Variants in OR10H3 observed in about 807,000 individuals in gnomAD.
OR10H3 encodes olfactory receptor family 10 subfamily H member 3.
In OR10H3, 15 loss-of-function variants were observed where a neutral mutation model predicts 11.1. That is an observed-to-expected ratio of 1.36 (90% CI 0.91 to 2.09). The LOEUF (loss-of-function observed/expected upper bound fraction) is 2.09, where lower values mean the gene tolerates loss of function less well. OR10H3 is among the 30% of genes most tolerant of loss of function. The pLI is 0.00. For missense variants in OR10H3, 403 were observed against 391.5 expected, an observed-to-expected ratio of 1.03 and a Z score of -0.25; for synonymous variants, 149 against 142.1, an observed-to-expected ratio of 1.05 and a Z score of -0.35.
chr19:15,740,259 C>T (rs766645569), intron 1 of OR10H3, among the ~76,000 whole-genome samples: 1 of 152,104 alleles, frequency 6.6e-6, no homozygotes, highest in Non-Finnish European at 1.5e-5. Context: ...GAGACCTTGT[C>T]TCTAAAAAAT....
chr19:15,739,081 T>C (rs2008669845), intron 1 of OR10H3, among the ~76,000 whole-genome samples: 1 of 152,146 alleles, frequency 6.6e-6, no homozygotes. Flanking sequence ...TGATTTACTG[T>C]TGAAACTGTA....
At chr19:15,740,009 C>T (rs1160339440) in intron 1 of OR10H3, among the ~76,000 whole-genome samples, 1 of 149,056 alleles carries the variant, frequency 6.7e-6, no homozygotes, top group African/African-American at 2.5e-5. Flanking sequence ...AATCCCACCA[C>T]TTTGGGAGGC....
In OR10H3 at chr19:15,742,097, C is replaced by A; in HGVS notation, c.705C>A (p.Gly235=). The A allele has an allele frequency of 6.2e-7, 1 of 1,613,476 alleles. No individual in the cohort carries two copies. The highest frequency in any genetic ancestry group is 1.1e-5 in the South Asian group (1 of 91,084). The change falls in exon 2 of 2, where the codon GGC becomes GGA. Residue 235 remains glycine (G), a synonymous_variant. Transcript: ENST00000641646. ...TCTTGAGGATTCCTTCTGCTGAGGG[C>A]CGGCACAAGACTTTCTCCACTTGTG... ...AAILRIPSAE[G]RHKTFSTCVS...
chr19:15,742,299 A>G lies in OR10H3; in HGVS notation c.907A>G (p.Ile303Val). Residue 303 changes from isoleucine (I) to valine (V), a missense_variant, in exon 2 of 2, where the codon ATA becomes GTA. Ile to Val is a conservative substitution (Grantham distance 29). Transcript: ENST00000641646. ...SLRNKELKNA[I>V]NKNFCRRFCP... ...AAGGAACAAGGAGCTGAAGAATGCC[A>G]TAAATAAAAACTTTTGCAGAAGGTT... 1 of 1,613,934 alleles carries G rather than the reference A, an allele frequency of 6.2e-7. No homozygotes were observed. Among genetic ancestry groups the G allele is most frequent in the Non-Finnish European group, 8.5e-7 (1 of 1,179,946 alleles).
chr19:15,741,862 G>T lies in OR10H3; in HGVS notation c.470G>T (p.Gly157Val), dbSNP rs1568438689. 6.2e-7 allele frequency: 1 copy of T among 1,614,176 alleles called. No homozygotes were observed. Among genetic ancestry groups the T allele is most frequent in the Non-Finnish European group, 8.5e-7 (1 of 1,180,028 alleles). Reference sequence around the variant, plus strand: ...ACCTGGGCTGGTGGCTCGGTCATGGGGATGATGGTGACAATGATGGTTTTT... The same window carrying T: ...ACCTGGGCTGGTGGCTCGGTCATGGTGATGATGGTGACAATGATGGTTTTT... The part of the protein sequence containing the change: ...AWTWAGGSVM[G>V]MMVTMMVFHL... Residue 157 changes from glycine (G) to valine (V), a missense_variant, in exon 2 of 2, where the codon GGG becomes GTG. Gly to Val is a moderately radical substitution (Grantham distance 109, BLOSUM62 -3). Coordinates refer to ENST00000641646, the MANE Select transcript of OR10H3 (RefSeq NM_013938.2).
rs1339974914 is a variant in OR10H3, at chr19:15,738,913, A to G, written c.-12+862A>G. Among the ~76,000 whole-genome samples, 3 of 151,862 alleles carry G rather than the reference A, an allele frequency of 2.0e-5. No individual in the cohort carries two copies. In the East Asian group the frequency reaches 5.8e-4, roughly 29 times the overall value. ...TTTATCTTATTAATTTTTTCCAATAACTTGATTTTGATTTTATTATGCATG... is the reference window on the plus strand; with the variant it reads ...TTTATCTTATTAATTTTTTCCAATAGCTTGATTTTGATTTTATTATGCATG... On this transcript the variant is annotated intron_variant, in intron 1 of 1. Coordinates refer to ENST00000641646, the MANE Select transcript of OR10H3 (RefSeq NM_013938.2).
Position 15,741,612 on chromosome 19 carries a change from T to C in OR10H3, c.220T>C (p.Phe74Leu). Residue 74 changes from phenylalanine (F) to leucine (L), a missense_variant, in exon 2 of 2, where the codon TTC becomes CTC. Phe to Leu is a conservative substitution (Grantham distance 22, BLOSUM62 0). Transcript: ENST00000641646. ...TGCCCTCTCCATCTCTGAGATTCTGTTCACTGTTGCCATCACCCCTCGCAT... is the reference window on the plus strand; with the variant it reads ...TGCCCTCTCCATCTCTGAGATTCTGCTCACTGTTGCCATCACCCCTCGCAT... ...LCALSISEILFTVAITPRMLA... is the reference protein window; with the variant it reads ...LCALSISEILLTVAITPRMLA... 1 of 1,614,212 alleles carries C rather than the reference T, an allele frequency of 6.2e-7. No individual in the cohort carries two copies. Among genetic ancestry groups the C allele is most frequent in the Non-Finnish European group, 8.5e-7 (1 of 1,180,038 alleles).
Position 15,742,264 on chromosome 19 carries a change from T to G in OR10H3, c.872T>G (p.Ile291Ser). The G allele has an allele frequency of 6.2e-7, 1 of 1,614,096 alleles. No individual in the cohort carries two copies. Among genetic ancestry groups the G allele is most frequent in the Non-Finnish European group, 8.5e-7 (1 of 1,180,034 alleles). ...TTCACCCCCTTCCTCAGCCCAATCA[T>G]TTTCAGTCTAAGGAACAAGGAGCTG... ...TVFTPFLSPIIFSLRNKELKN... is the reference protein window; with the variant it reads ...TVFTPFLSPISFSLRNKELKN... The change falls in exon 2 of 2, where the codon ATT becomes AGT. Residue 291 changes from isoleucine to serine, a missense_variant. Ile to Ser is a moderately radical substitution (Grantham distance 142). Coordinates refer to ENST00000641646, the MANE Select transcript of OR10H3 (RefSeq NM_013938.2).
At chr19:15,741,291 G>A (rs969181897) in intron 1 of OR10H3, 91 bp from the exon 2 acceptor site, 39 of 743,368 alleles carry the variant, frequency 5.2e-5, no homozygotes, top group Non-Finnish European at 7.9e-5. Flanking sequence ...ACCAGTTGTT[G>A]AATAGCATAG....
In OR10H3 at chr19:15,741,383, T is replaced by A. The variant is rs766066906; in HGVS notation, c.-10T>A. 1.3e-6 allele frequency: 2 copies of A among 1,578,258 alleles called. No homozygotes were observed. Reference sequence around the variant, plus strand: ...TAATTTTGTTTCTGATCTCACCAGATACAGTATCCATGCCTGGTCAGAACT... The same window carrying A: ...TAATTTTGTTTCTGATCTCACCAGAAACAGTATCCATGCCTGGTCAGAACT... On this transcript the variant is annotated splice_region_variant and 5_prime_UTR_variant, in exon 2 of 2. Coordinates refer to ENST00000641646, the MANE Select transcript of OR10H3 (RefSeq NM_013938.2).
Position 15,741,842 on chromosome 19 carries a change from G to A in OR10H3, c.450G>A (p.Trp150Ter), listed in dbSNP as rs1289750502. 1 of 1,614,168 alleles carries A rather than the reference G, an allele frequency of 6.2e-7. No individual in the cohort carries two copies. The highest frequency in any genetic ancestry group is 1.7e-5 in the Admixed American group (1 of 60,020). Residue 150 changes from tryptophan (W) to a stop codon, truncating the protein, a stop_gained, in exon 2 of 2, where the codon TGG becomes TGA. Coordinates refer to ENST00000641646, the MANE Select transcript of OR10H3 (RefSeq NM_013938.2). LOFTEE classifies it high-confidence loss of function. Reference sequence around the variant, plus strand: ...GTGCCCATCTTGTGGCCTGGACCTGGGCTGGTGGCTCGGTCATGGGGATGA... The same window carrying A: ...GTGCCCATCTTGTGGCCTGGACCTGAGCTGGTGGCTCGGTCATGGGGATGA... ...RGCAHLVAWT[W>*]AGGSVMGMMV...
At position 15,742,121 on chromosome 19, in the gene OR10H3, T is replaced by G. The variant is rs767928269; in HGVS notation, c.729T>G (p.Cys243Trp). The change falls in exon 2 of 2, where the codon TGT (cysteine) becomes TGG (tryptophan). Residue 243 changes from cysteine to tryptophan, a missense_variant. Transcript: ENST00000641646. Reference sequence around the variant, plus strand: ...GCCGGCACAAGACTTTCTCCACTTGTGTATCCCACCTCACTGTGGTGGTCA... The same window carrying G: ...GCCGGCACAAGACTTTCTCCACTTGGGTATCCCACCTCACTGTGGTGGTCA... ...AEGRHKTFST[C>W]VSHLTVVVMH... 6.2e-6 allele frequency: 10 copies of G among 1,614,182 alleles called. No individual in the cohort carries two copies. In the South Asian group the frequency reaches 1.1e-4, roughly 18 times the overall value.
chr19:15,741,351 T>C (rs764372258), intron 1 of OR10H3, 31 bp from the exon 2 acceptor site: 1 of 1,418,258 alleles, frequency 7.1e-7, no homozygotes, highest in South Asian at 1.2e-5. Context: ...TTTTAACCAC[T>C]GTCACTTAAT....
chr19:15,738,579 C>T (rs889850660), intron 1 of OR10H3, among the ~76,000 whole-genome samples: 2 of 141,716 alleles, frequency 1.4e-5, no homozygotes, highest in Admixed American at 7.0e-5. Context: ...AGATTCTAAC[C>T]AACTGTTTTT....
At chr19:15,738,181 TGAA>T (rs2144802790) in intron 1 of OR10H3, 130 bp downstream of exon 1, 1 of 144,958 alleles carries the variant, frequency 6.9e-6, no homozygotes, top group East Asian at 2.0e-4. Context: ...TTTTGTGTTG[TGAA>T]GTGTTTTTTT....
chr19:15,741,923 T>C lies in OR10H3; in HGVS notation c.531T>C (p.His177=). 1 of 1,614,158 alleles carries C rather than the reference T, an allele frequency of 6.2e-7. No homozygotes were observed. ...TCTGTGGGTCTAATGTGATCCACCA[T>C]TTTCTCTGTCATGTGCTTTCCCTCT... ...LTFCGSNVIH[H]FLCHVLSLLK... The change falls in exon 2 of 2, where the codon CAT becomes CAC. Residue 177 remains histidine, a synonymous_variant. Transcript: ENST00000641646.
At chr19:15,740,310 C>T (rs147417374) in intron 1 of OR10H3, among the ~76,000 whole-genome samples, 7 of 152,188 alleles carry the variant, frequency 4.6e-5, no homozygotes, top group East Asian at 1.9e-4. Context: ...ATTACTCATA[C>T]GTAATCATTC....
Position 15,741,756 on chromosome 19 carries a change from G to A in OR10H3, c.364G>A (p.Asp122Asn), listed in dbSNP as rs1347563094. The A allele has an allele frequency of 6.2e-7, 1 of 1,614,130 alleles. No individual in the cohort carries two copies. The highest frequency in any genetic ancestry group is 2.2e-5 in the East Asian group (1 of 44,870). Residue 122 changes from aspartate to asparagine, a missense_variant, in exon 2 of 2, where the codon GAT (aspartate) becomes AAT (asparagine). Transcript: ENST00000641646. ...HSFLLMVMGY[D>N]HYVTICHPLH... ...CTTCCTTCTCATGGTCATGGGCTAT[G>A]ATCACTACGTGACCATCTGCCACCC...
At position 15,742,322 on chromosome 19, in the gene OR10H3, G is replaced by A. The variant is rs759025507; in HGVS notation, c.930G>A (p.Arg310=). Residue 310 remains arginine, a synonymous_variant, in exon 2 of 2, where the codon AGG becomes AGA. Coordinates refer to ENST00000641646, the MANE Select transcript of OR10H3 (RefSeq NM_013938.2). Reference sequence around the variant, plus strand: ...CCATAAATAAAAACTTTTGCAGAAGGTTCTGCCCTCTAAGCTCCTAATGGC... The same window carrying A: ...CCATAAATAAAAACTTTTGCAGAAGATTCTGCCCTCTAAGCTCCTAATGGC... ...KNAINKNFCR[R]FCPLSS is the part of the protein sequence containing the mutation. 2.2e-5 allele frequency: 36 copies of A among 1,613,300 alleles called. No homozygotes were observed. The highest frequency in any genetic ancestry group is 2.7e-5 in the African/African-American group (2 of 74,840).
Sources: allele counts gnomAD v4.1 joint callset (sites outside exome capture counted in the v4.1 genomes callset), GRCh38; gene constraint gnomAD v4.1.1; transcripts MANE v1.5; gene names NCBI Gene and HGNC (gene_info 2026-07-23, HGNC 2026-07-21).